The following ZNF331 variants were observed in gnomAD, a reference collection of about 807,000 sequenced individuals.
ZNF331 encodes zinc finger protein 331.
A neutral mutation model predicts 7.0 loss-of-function variants in ZNF331; 2 were observed. The ratio of observed to expected loss-of-function variants is 0.29; its 90% CI spans 0.12 to 0.90. The LOEUF is 0.90. ZNF331 is among the 40% of genes least tolerant of loss of function. The pLI, the probability that ZNF331 is intolerant of heterozygous loss-of-function variation, is 0.58. For synonymous variants in ZNF331, 196 were observed against 205.4 expected (o/e 0.95, Z 0.39); for missense variants, 432 against 587.7 (o/e 0.74, Z 2.74).
chr19:53,530,447 G>A (rs10413247), intron 2 of ZNF331, among the ~76,000 whole-genome samples: 36,884 of 146,316 alleles, frequency 0.25, 6,037 homozygotes, highest in African/African-American at 0.43. Flanking sequence ...CACGGATGTC[G>A]ATTTATAACC....
the ZNF331 span, among the ~76,000 whole-genome samples, chr19:53,504,696 C>T: frequency 3.2e-4 from 48 of 152,310 alleles, no homozygotes; most frequent in Non-Finnish European, 6.2e-4. Flanking sequence ...ATCTCATGCC[C>T]TCAGTCAACA....
chr19:53,514,778 G>A (rs1189448407), upstream of ZNF331, among the ~76,000 whole-genome samples: 1 of 150,934 alleles, frequency 6.6e-6, no homozygotes, highest in Non-Finnish European at 1.5e-5. Flanking sequence ...AGCCTCCCGA[G>A]TAGCTGGGAC....
At chr19:53,505,535 A>AGT in the ZNF331 span, among the ~76,000 whole-genome samples, 1 of 152,204 alleles carries the variant, frequency 6.6e-6, no homozygotes, top group African/African-American at 2.4e-5. Flanking sequence ...CAAGGATTTA[A>AGT]GTCACCAACG....
upstream of ZNF331, among the ~76,000 whole-genome samples, chr19:53,515,516 A>G (rs2086883636): frequency 6.6e-6 from 1 of 152,162 alleles, no homozygotes; most frequent in Admixed American, 6.5e-5. Context: ...TTTGTTTTTG[A>G]GACGGAGTTT....
intron 2 of ZNF331, among the ~76,000 whole-genome samples, chr19:53,542,421 G>A (rs530870816): frequency 1.3e-5 from 2 of 152,230 alleles, no homozygotes; most frequent in East Asian, 1.9e-4. Flanking sequence ...TTGCAGATAC[G>A]GACTTTCCAT....
chr19:53,567,775 C>G (rs1600461441), intron 3 of ZNF331, among the ~76,000 whole-genome samples: 1 of 151,602 alleles, frequency 6.6e-6, no homozygotes, highest in South Asian at 2.1e-4. Flanking sequence ...CCCAGGAAGT[C>G]AAGGCTGCAG....
intron 3 of ZNF331, among the ~76,000 whole-genome samples, chr19:53,567,473 A>G (rs183832574): frequency 2.0e-5 from 3 of 152,178 alleles, no homozygotes; most frequent in East Asian, 3.9e-4. Context: ...GCTCATGGGT[A>G]TGGTCTGCAT....
At chr19:53,513,714 C>T in the ZNF331 span, among the ~76,000 whole-genome samples, 1 of 152,162 alleles carries the variant, frequency 6.6e-6, no homozygotes, top group Non-Finnish European at 1.5e-5. Context: ...TGCGATGGCA[C>T]GATCTCGGCT....
the ZNF331 span, among the ~76,000 whole-genome samples, chr19:53,505,451 T>G: frequency 1.3e-5 from 2 of 152,118 alleles, no homozygotes; most frequent in African/African-American, 2.4e-5. Context: ...TGCCCGCTTG[T>G]GCCTCCCAAA....
intron 5 of ZNF331, among the ~76,000 whole-genome samples, chr19:53,575,944 A>G (rs1311318121): frequency 6.6e-6 from 1 of 151,712 alleles, no homozygotes; most frequent in Admixed American, 6.6e-5. Context: ...GGCCTCCCAA[A>G]GTGCTGGGAT....
At chr19:53,546,561 C>G (rs922770640) in intron 2 of ZNF331, among the ~76,000 whole-genome samples, 1 of 151,664 alleles carries the variant, frequency 6.6e-6, no homozygotes, top group Non-Finnish European at 1.5e-5. Context: ...AAAAACAACT[C>G]CCTCCTAGAG....
intron 5 of ZNF331, 41 bp from the exon 6 acceptor site, chr19:53,576,656 G>C: frequency 6.5e-7 from 1 of 1,540,294 alleles, no homozygotes; most frequent in Non-Finnish European, 8.7e-7. Context: ...GTTTGTACTT[G>C]TGTCCCTCTA....
At chr19:53,545,538 T>A (rs1600301265) in intron 2 of ZNF331, among the ~76,000 whole-genome samples, 1 of 151,930 alleles carries the variant, frequency 6.6e-6, no homozygotes, top group Non-Finnish European at 1.5e-5. Flanking sequence ...CCAGACGGGG[T>A]CCCAGCTGGG....
upstream of ZNF331, among the ~76,000 whole-genome samples, chr19:53,537,084 A>T (rs1285032600): frequency 6.6e-6 from 1 of 152,178 alleles, no homozygotes; most frequent in Non-Finnish European, 1.5e-5. Flanking sequence ...TATGAATCTA[A>T]AGTCTATCTA....
chr19:53,547,785 T>C (rs928930248), intron 2 of ZNF331, among the ~76,000 whole-genome samples: 2 of 152,226 alleles, frequency 1.3e-5, no homozygotes, highest in Non-Finnish European at 2.9e-5. Context: ...GTAGTGATCC[T>C]GAGCAATTTT....
chr19:53,519,775 T>TTC (rs2086997992), upstream of ZNF331, among the ~76,000 whole-genome samples: 2 of 151,974 alleles, frequency 1.3e-5, no homozygotes, highest in Non-Finnish European at 2.9e-5. Context: ...CAGGACCAGG[T>TTC]CACTCCCGTG....
At chr19:53,514,958 T>C (rs1232323695), upstream of ZNF331, among the ~76,000 whole-genome samples, 1 of 152,180 alleles carries the variant, frequency 6.6e-6, no homozygotes, top group Non-Finnish European at 1.5e-5. Flanking sequence ...CAAAGCCTTC[T>C]CCTTGCCAAG....
chr19:53,516,123 G>A (rs1200760956), upstream of ZNF331, among the ~76,000 whole-genome samples: 1 of 152,136 alleles, frequency 6.6e-6, no homozygotes, highest in African/African-American at 2.4e-5. Context: ...AGATGTGGCA[G>A]GCTAGTTTTG....
chr19:53,522,505 G>A (rs1031666226), intron 1 of ZNF331: 9 of 152,096 alleles, frequency 5.9e-5, no homozygotes, highest in Admixed American at 1.3e-4. Flanking sequence ...AAAGTTCTGG[G>A]ATTACAGTTG....
Sources: gnomAD v4.1 joint callset for allele counts (sites outside exome capture counted in the v4.1 genomes callset) on GRCh38, gnomAD v4.1.1 for gene constraint, MANE v1.5 for transcripts, NCBI Gene and HGNC (gene_info 2026-07-23, HGNC 2026-07-21) for gene names.